The following EDC4 variants were observed in gnomAD, a reference collection of about 807,000 sequenced individuals.
The protein encoded by EDC4 is enhancer of mRNA-decapping protein 4.
A neutral mutation model predicts 155.8 loss-of-function variants in EDC4; 64 were observed. That is an observed-to-expected ratio of 0.41 (90% CI 0.34 to 0.51). EDC4 has a LOEUF of 0.51. Ranked by LOEUF, EDC4 falls within the 20% of genes least tolerant of loss-of-function variation. The pLI is 0.19. For synonymous variants in EDC4, 684 were observed against 716.8 expected, an observed-to-expected ratio of 0.95 and a Z score of 0.73; for missense variants, 1,303 against 1,812.5, an observed-to-expected ratio of 0.72 and a Z score of 5.10.
At chr16:67,875,857 C>T (rs1329968461) in intron 1 of EDC4, 88 bp from the exon 2 acceptor site, 5 of 1,542,286 alleles carry the variant, frequency 3.2e-6, no homozygotes, top group Non-Finnish European at 4.4e-6. Context: ...TCCTAGAGCA[C>T]CTCATAGTTC....
At position 67,877,532 on chromosome 16, in the gene EDC4, G is replaced by A. The variant is rs1334423560; in HGVS notation, c.665G>A (p.Arg222Gln). 6.8e-6 allele frequency: 11 copies of A among 1,613,974 alleles called. No homozygotes were observed. The highest frequency in any genetic ancestry group is 4.4e-5 in the South Asian group (4 of 91,076). ...AGAGAAGAGATCTTGGTCCATATTC[G>A]GCAGCCAGAGGGCACGCCACTGAAC... ...KIQEEILVHI[R>Q]QPEGTPLNHF... The change falls in exon 6 of 29, where the codon CGG (arginine) becomes CAG (glutamine). Residue 222 changes from arginine (R) to glutamine (Q), a missense_variant. Around this residue, in one of 5 missense-constraint regions of EDC4, gnomAD observed 235 missense variants for 367.7 expected, o/e 0.64. Transcript: ENST00000358933. This position sits in a 1 kb window ranked among gnomAD's most constrained non-coding sequence, Gnocchi z 4.9.
Position 67,883,714 on chromosome 16 carries a change from A to C in EDC4, c.3996A>C (p.Arg1332=), listed in dbSNP as rs775487160. The change falls in exon 28 of 29, where the codon CGA becomes CGC. Residue 1332 remains arginine (R), a synonymous_variant. Coordinates refer to ENST00000358933, the MANE Select transcript of EDC4 (RefSeq NM_014329.5). The surrounding 1 kb of genome is among the most constrained non-coding windows in gnomAD (Gnocchi z 5.3). ...AGCTGGCATCTGACCTTGGCACTCG[A>C]ACTGACCTCAAGCTCAGGTAAGTGG... is the stretch of plus-strand genomic sequence containing the variant. ...IQQLASDLGT[R]TDLKLSYLEE... 6.3e-5 allele frequency: 101 copies of C among 1,613,930 alleles called. No homozygotes were observed. Among genetic ancestry groups the C allele is most frequent in the Non-Finnish European group, 8.4e-5 (99 of 1,180,008 alleles).
In EDC4 at chr16:67,873,193, G is replaced by T. The variant is rs1000491813; in HGVS notation, c.-69G>T. On this transcript the variant is annotated 5_prime_UTR_variant, in exon 1 of 29. Transcript: ENST00000358933. ...CGCTGTCTCGCCCCGTGGCGGGTGAGCGAGGGTGCGTGGTGCGCGGCGGCG... is the reference window on the plus strand; with the variant it reads ...CGCTGTCTCGCCCCGTGGCGGGTGATCGAGGGTGCGTGGTGCGCGGCGGCG... 4 of 1,211,776 alleles carry T rather than the reference G, an allele frequency of 3.3e-6. No homozygotes were observed. In the African/African-American group the frequency reaches 6.4e-5, roughly 20 times the overall value. 75.1% of individuals were successfully genotyped at this position (1,211,776 alleles called of 1,614,324 possible).
In EDC4 at chr16:67,873,063, G is replaced by A. The variant is rs1188076337; in HGVS notation, c.-199G>A. ...TGGCAGGTTCCGGGAGCCTCGGCTC[G>A]TGGGTGCCGGAAGTGGAGGCGGTTG... On this transcript the variant is annotated 5_prime_UTR_variant, in exon 1 of 29. In the 5' UTR this introduces an upstream ATG that the reference lacks. Transcript: ENST00000358933. 9.3e-6 allele frequency: 4 copies of A among 432,310 alleles called. No individual in the cohort carries two copies. In the East Asian group the frequency reaches 1.5e-4, roughly 16 times the overall value. The allele number at this position is 432,310 out of a possible 1,614,324, so 26.8% of individuals were successfully genotyped here.
In EDC4 at chr16:67,880,907, C is replaced by A. The variant is rs1260566514; in HGVS notation, c.2448C>A (p.Thr816=). 6.2e-7 allele frequency: 1 copy of A among 1,614,004 alleles called. No homozygotes were observed. Among genetic ancestry groups the A allele is most frequent in the Admixed American group, 1.7e-5 (1 of 60,024 alleles). ...NTPSLLEAAL[T]QEASTPDSQV... ...CCTCCCTCCTGGAGGCAGCCTTGAC[C>A]CAGGAGGCCTCGACTCCTGACAGTC... Residue 816 remains threonine (T), a synonymous_variant, in exon 18 of 29, where the codon ACC becomes ACA. Coordinates refer to ENST00000358933, the MANE Select transcript of EDC4 (RefSeq NM_014329.5). The surrounding 1 kb of genome is among the most constrained non-coding windows in gnomAD (Gnocchi z 5.2).
Position 67,882,652 on chromosome 16 carries a change from C to G in EDC4, c.3443-27C>G, listed in dbSNP as rs373143632. Reference sequence around the variant, plus strand: ...GGTTATCCTCTTTCCTACTGTTCCTCTTATAGTCCCTGTGGTCACCCCTCA... The same window carrying G: ...GGTTATCCTCTTTCCTACTGTTCCTGTTATAGTCCCTGTGGTCACCCCTCA... On this transcript the variant is annotated intron_variant, in intron 25 of 28. Transcript: ENST00000358933. The surrounding 1 kb of genome is among the most constrained non-coding windows in gnomAD (Gnocchi z 7.2). 17 of 1,614,116 alleles carry G rather than the reference C, an allele frequency of 1.1e-5. No homozygotes were observed. In the African/African-American group the frequency reaches 1.2e-4, roughly 11 times the overall value.
In EDC4 at chr16:67,883,809, C is replaced by T; in HGVS notation, c.4013+78C>T. The T allele has an allele frequency of 6.4e-7, 1 of 1,566,450 alleles. No homozygotes were observed. The highest frequency in any genetic ancestry group is 1.1e-5 in the South Asian group (1 of 88,442). The stretch of plus-strand genomic sequence containing the variant: ...GAGGGAGCAGTTTGAAGCTGACGCC[C>T]ACTTCTGCCTGAATCCTCTCCCTAA... On this transcript the variant is annotated intron_variant, in intron 28 of 28. Coordinates refer to ENST00000358933, the MANE Select transcript of EDC4 (RefSeq NM_014329.5). This position sits in a 1 kb window ranked among gnomAD's most constrained non-coding sequence, Gnocchi z 5.3.
Position 67,882,502 on chromosome 16 carries a change from C to A in EDC4, c.3350C>A (p.Ala1117Asp), listed in dbSNP as rs767180282. Residue 1117 changes from alanine to aspartate, a missense_variant, in exon 25 of 29, where the codon GCC becomes GAC. Ala to Asp is a moderately radical substitution (Grantham distance 126). This residue lies in a region of EDC4 where 527 missense variants were observed against 757.0 expected (regional missense o/e 0.70). Transcript: ENST00000358933. The surrounding 1 kb of genome is among the most constrained non-coding windows in gnomAD (Gnocchi z 7.2). Reference sequence around the variant, plus strand: ...CCGATGCAGGCTGCCTACCGGGAAGCCTTCCAGAGTGTGGTGCTGCCGGCC... The same window carrying A: ...CCGATGCAGGCTGCCTACCGGGAAGACTTCCAGAGTGTGGTGCTGCCGGCC... Reference protein sequence around the residue: ...QGPMQAAYREAFQSVVLPAFE... With the variant: ...QGPMQAAYREDFQSVVLPAFE... 6.2e-7 allele frequency: 1 copy of A among 1,614,124 alleles called. No homozygotes were observed. Among genetic ancestry groups the A allele is most frequent in the Non-Finnish European group, 8.5e-7 (1 of 1,180,060 alleles).
chr16:67,879,046 G>A lies in EDC4; in HGVS notation c.1377G>A (p.Val459=). 1 of 1,613,110 alleles carries A rather than the reference G, an allele frequency of 6.2e-7. No homozygotes were observed. The part of the protein sequence containing the change: ...SISEFLLTHP[V]LSFGIQVVSR... ...CGGAGTTCCTGCTCACCCACCCTGT[G>A]CTGAGCTTTGGTATCCAGGTTGTGA... Residue 459 remains valine, a synonymous_variant, in exon 12 of 29, where the codon GTG becomes GTA. Transcript: ENST00000358933. This position sits in a 1 kb window ranked among gnomAD's most constrained non-coding sequence, Gnocchi z 6.0.
Position 67,880,959 on chromosome 16 carries a change from A to G in EDC4, c.2500A>G (p.Thr834Ala), listed in dbSNP as rs1355398390. The change falls in exon 18 of 29, where the codon ACT becomes GCT. Residue 834 changes from threonine (T) to alanine (A), a missense_variant. Thr to Ala is a moderately conservative substitution (Grantham distance 58). Transcript: ENST00000358933. This position sits in a 1 kb window ranked among gnomAD's most constrained non-coding sequence, Gnocchi z 5.2. ...GGTTTGGCCCACAGCACCTGACATT[A>G]CTCGTGAGACCTGCAGCACCCTGGC... ...SQVWPTAPDITRETCSTLAES... is the reference protein window; with the variant it reads ...SQVWPTAPDIARETCSTLAES... 2 of 1,613,694 alleles carry G rather than the reference A, an allele frequency of 1.2e-6. No individual in the cohort carries two copies. The highest frequency in any genetic ancestry group is 1.7e-6 in the Non-Finnish European group (2 of 1,179,868).
intron 1 of EDC4, among the ~76,000 whole-genome samples, chr16:67,874,810 G>T (rs56374641): frequency 0.15 from 22,951 of 152,112 alleles, 1,932 homozygotes; most frequent in African/African-American, 0.22. Flanking sequence ...GACTGGGCGC[G>T]GTGGCTCACA....
At chr16:67,875,117 G>T (rs994533684) in intron 1 of EDC4, among the ~76,000 whole-genome samples, 2 of 152,168 alleles carry the variant, frequency 1.3e-5, no homozygotes, top group African/African-American at 4.8e-5. Flanking sequence ...GCCACCTGGG[G>T]ATTTTGGAAA....
Position 67,879,031 on chromosome 16 carries a change from G to C in EDC4, c.1362G>C (p.Leu454=). The C allele has an allele frequency of 5.6e-6, 9 of 1,612,646 alleles. No individual in the cohort carries two copies. Among genetic ancestry groups the C allele is most frequent in the Non-Finnish European group, 7.6e-6 (9 of 1,179,924 alleles). Reference sequence around the variant, plus strand: ...GCTTCAGCTCCATCTCGGAGTTCCTGCTCACCCACCCTGTGCTGAGCTTTG... The same window carrying C: ...GCTTCAGCTCCATCTCGGAGTTCCTCCTCACCCACCCTGTGCTGAGCTTTG... ...HACFSSISEF[L]LTHPVLSFGI... The change falls in exon 12 of 29, where the codon CTG becomes CTC. Residue 454 remains leucine (L), a synonymous_variant. Coordinates refer to ENST00000358933, the MANE Select transcript of EDC4 (RefSeq NM_014329.5). This position sits in a 1 kb window ranked among gnomAD's most constrained non-coding sequence, Gnocchi z 6.0.
In EDC4 at chr16:67,882,232, C is replaced by T; in HGVS notation, c.3181C>T (p.Pro1061Ser). ...CCCAGGTGTCTCAAGGAGTCTGGAG[C>T]CTATGGCAGGCCAACTGAGCAACTC... ...VPPCVSRSLE[P>S]MAGQLSNSVA... Residue 1061 changes from proline (P) to serine (S), a missense_variant, in exon 24 of 29, where the codon CCT (proline) becomes TCT (serine). Physicochemically the swap from Pro to Ser is moderately conservative, Grantham distance 74 (BLOSUM62 -1). This residue lies in a region of EDC4 where 527 missense variants were observed against 757.0 expected (regional missense o/e 0.70). Transcript: ENST00000358933. This position sits in a 1 kb window ranked among gnomAD's most constrained non-coding sequence, Gnocchi z 7.2. The T allele has an allele frequency of 6.2e-7, 1 of 1,613,774 alleles. No homozygotes were observed. Among genetic ancestry groups the T allele is most frequent in the Non-Finnish European group, 8.5e-7 (1 of 1,179,852 alleles).
chr16:67,882,181 G>A lies in EDC4; in HGVS notation c.3161-31G>A, dbSNP rs1235494627. 1.9e-6 allele frequency: 3 copies of A among 1,613,406 alleles called. No homozygotes were observed. The highest frequency in any genetic ancestry group is 1.1e-5 in the South Asian group (1 of 90,990). ...GGGTACCTGTCAAGCTTCTTCTCATGGCTCCACCTCACCCTCTTCCCCTCT... is the reference window on the plus strand; with the variant it reads ...GGGTACCTGTCAAGCTTCTTCTCATAGCTCCACCTCACCCTCTTCCCCTCT... On this transcript the variant is annotated intron_variant, in intron 23 of 28. Coordinates refer to ENST00000358933, the MANE Select transcript of EDC4 (RefSeq NM_014329.5). This position sits in a 1 kb window ranked among gnomAD's most constrained non-coding sequence, Gnocchi z 7.2.
Position 67,884,023 on chromosome 16 carries a change from G to T in EDC4, c.4081G>T (p.Val1361Phe). The change falls in exon 29 of 29, where the codon GTT (valine) becomes TTT (phenylalanine). Residue 1361 changes from valine (V) to phenylalanine (F), a missense_variant. Val to Phe is a conservative substitution (Grantham distance 50). Coordinates refer to ENST00000358933, the MANE Select transcript of EDC4 (RefSeq NM_014329.5). This position sits in a 1 kb window ranked among gnomAD's most constrained non-coding sequence, Gnocchi z 4.1. Reference sequence around the variant, plus strand: ...CATCACTCGGGACCACATGGGCTCCGTTATGGCCCAGGTGCGCCAAAAGCT... The same window carrying T: ...CATCACTCGGGACCACATGGGCTCCTTTATGGCCCAGGTGCGCCAAAAGCT... ...DPITRDHMGS[V>F]MAQVRQKLFQ... is the part of the protein sequence containing the mutation. 1 of 1,614,116 alleles carries T rather than the reference G, an allele frequency of 6.2e-7. No homozygotes were observed. Among genetic ancestry groups the T allele is most frequent in the Non-Finnish European group, 8.5e-7 (1 of 1,180,002 alleles).
At position 67,878,529 on chromosome 16, in the gene EDC4, C is replaced by T; in HGVS notation, c.1089-7C>T. 3 of 1,614,250 alleles carry T rather than the reference C, an allele frequency of 1.9e-6. No individual in the cohort carries two copies. On this transcript the variant is annotated splice_region_variant and splice_polypyrimidine_tract_variant and intron_variant, in intron 9 of 28. Transcript: ENST00000358933. This position sits in a 1 kb window ranked among gnomAD's most constrained non-coding sequence, Gnocchi z 5.2. The stretch of plus-strand genomic sequence containing the variant: ...AGCCAGTCACTCACTGCCTTGTTGC[C>T]TTGCAGTGTCCCTTTCTGGAGGTTC...
In EDC4 at chr16:67,880,604, G is replaced by A. The variant is rs777862267; in HGVS notation, c.2145G>A (p.Glu715=). Residue 715 remains glutamate (E), a synonymous_variant, in exon 18 of 29, where the codon GAG becomes GAA. Coordinates refer to ENST00000358933, the MANE Select transcript of EDC4 (RefSeq NM_014329.5). This position sits in a 1 kb window ranked among gnomAD's most constrained non-coding sequence, Gnocchi z 5.2. ...SALSLELQEV[E]PLGLPQASPS... is the part of the protein sequence containing the mutation. Reference sequence around the variant, plus strand: ...TGTCCCTGGAGCTGCAGGAAGTGGAGCCCCTGGGGCTACCCCAAGCCTCCC... The same window carrying A: ...TGTCCCTGGAGCTGCAGGAAGTGGAACCCCTGGGGCTACCCCAAGCCTCCC... The A allele has an allele frequency of 1.2e-5, 20 of 1,614,004 alleles. No individual in the cohort carries two copies. The highest frequency in any genetic ancestry group is 1.6e-5 in the Non-Finnish European group (19 of 1,180,034).
Position 67,877,339 on chromosome 16 carries a change from C to G in EDC4, c.574C>G (p.Leu192Val). The change falls in exon 5 of 29, where the codon CTG becomes GTG. Residue 192 changes from leucine (L) to valine (V), a missense_variant. Around this residue, in one of 5 missense-constraint regions of EDC4, gnomAD observed 235 missense variants for 367.7 expected, o/e 0.64. Transcript: ENST00000358933. This position sits in a 1 kb window ranked among gnomAD's most constrained non-coding sequence, Gnocchi z 4.9. ...LAFAHLNSPQLACLDEAGNLF... is the reference protein window; with the variant it reads ...LAFAHLNSPQVACLDEAGNLF... ...TTTCGCGCACCTCAACTCTCCACAG[C>G]TGGCCTGCCTGGATGAGGCAGGCAA... 1 of 1,614,154 alleles carries G rather than the reference C, an allele frequency of 6.2e-7. No homozygotes were observed. The highest frequency in any genetic ancestry group is 8.5e-7 in the Non-Finnish European group (1 of 1,180,058).
Sources: allele counts gnomAD v4.1 joint callset (sites outside exome capture counted in the v4.1 genomes callset), GRCh38; gene constraint gnomAD v4.1.1; regional missense constraint gnomAD v4.1.1; non-coding constraint Gnocchi (gnomAD v3.1); transcripts MANE v1.5; gene names NCBI Gene and HGNC (gene_info 2026-07-23, HGNC 2026-07-21).